Variants in CNTNAP2 observed in about 807,000 individuals in gnomAD.
CNTNAP2 encodes the protein contactin-associated protein-like 2.
A neutral mutation model predicts 155.2 loss-of-function variants in CNTNAP2; 98 were observed. That is an observed-to-expected ratio of 0.63 (90% CI 0.54 to 0.75). The LOEUF (loss-of-function observed/expected upper bound fraction) is 0.75, where lower values mean the gene tolerates loss of function less well. CNTNAP2 is among the 30% of genes least tolerant of loss of function. CNTNAP2 has a pLI of 0.00. For missense variants in CNTNAP2, 1,727 were observed against 1,688.1 expected, an observed-to-expected ratio of 1.02 and a Z score of -0.40; for synonymous variants, 651 against 631.2, an observed-to-expected ratio of 1.03 and a Z score of -0.47.
chr7:146,707,701 C>G (rs1800990364), intron 1 of CNTNAP2, among the ~76,000 whole-genome samples: 1 of 152,098 alleles, frequency 6.6e-6, no homozygotes, highest in Non-Finnish European at 1.5e-5. Flanking sequence ...TTTCCTATTC[C>G]TTATTTCCTT....
intron 1 of CNTNAP2, among the ~76,000 whole-genome samples, chr7:146,487,064 A>G (rs1458867951): frequency 6.6e-6 from 1 of 152,190 alleles, no homozygotes; most frequent in African/African-American, 2.4e-5. Context: ...AGTTTTCTTT[A>G]GAGAATGAGA....
At chr7:147,422,209 CAATA>C (rs891724474) in intron 10 of CNTNAP2, among the ~76,000 whole-genome samples, 20 of 144,228 alleles carry the variant, frequency 1.4e-4, no homozygotes, top group Non-Finnish European at 2.5e-4. Context: ...TATATATACA[CAATA>C]TATATACTGT....
intron 1 of CNTNAP2, among the ~76,000 whole-genome samples, chr7:146,705,519 A>G (rs1007621504): frequency 2.6e-5 from 4 of 152,038 alleles, no homozygotes; most frequent in African/African-American, 9.7e-5. Flanking sequence ...TCCTAATACA[A>G]TCTTCTTGGT....
At chr7:148,301,791 G>A (rs1031961545) in intron 21 of CNTNAP2, among the ~76,000 whole-genome samples, 1 of 152,162 alleles carries the variant, frequency 6.6e-6, no homozygotes, top group Admixed American at 6.5e-5. Flanking sequence ...ACAGCAAGAA[G>A]ATGAGCCTGT....
chr7:148,193,332 C>T (rs1215692312), intron 18 of CNTNAP2, among the ~76,000 whole-genome samples: 6 of 152,122 alleles, frequency 3.9e-5, no homozygotes, highest in African/African-American at 1.2e-4. Context: ...TGGACACAAC[C>T]CACGTTTTGA....
intron 10 of CNTNAP2, among the ~76,000 whole-genome samples, chr7:147,422,161 GTATA>G (rs546773766): frequency 7.3e-6 from 1 of 136,652 alleles, no homozygotes; most frequent in Non-Finnish European, 1.5e-5. Context: ...TATATATACA[GTATA>G]TATATAGTAT....
chr7:147,129,797 G>A (rs1801316030), intron 7 of CNTNAP2, among the ~76,000 whole-genome samples: 1 of 151,700 alleles, frequency 6.6e-6, no homozygotes, highest in Non-Finnish European at 1.5e-5. Context: ...GAATATGGAA[G>A]GTTTAAAACA....
At chr7:147,395,969 A>G (rs1416289948) in intron 10 of CNTNAP2, among the ~76,000 whole-genome samples, 189 bp downstream of exon 10, 1 of 150,016 alleles carries the variant, frequency 6.7e-6, no homozygotes, top group Non-Finnish European at 1.5e-5. Context: ...TTTTATGTGG[A>G]TATATATATC....
chr7:147,936,246 C>T (rs1800604303), intron 14 of CNTNAP2, among the ~76,000 whole-genome samples: 1 of 151,592 alleles, frequency 6.6e-6, no homozygotes, highest in Admixed American at 6.6e-5. Context: ...GATCTGAGTA[C>T]ACAGATCTAA....
intron 13 of CNTNAP2, among the ~76,000 whole-genome samples, chr7:147,807,226 G>A (rs1345147402): frequency 6.7e-6 from 1 of 150,090 alleles, no homozygotes; most frequent in East Asian, 2.0e-4. Flanking sequence ...GAGAGGCTGA[G>A]CTGGGAGGAT....
At chr7:147,869,262 G>A (rs1799287525) in intron 13 of CNTNAP2, among the ~76,000 whole-genome samples, 1 of 152,170 alleles carries the variant, frequency 6.6e-6, no homozygotes, top group Non-Finnish European at 1.5e-5. Context: ...TGCTGCATCA[G>A]CATGTCATTT....
chr7:147,879,046 G>A (rs141561235), intron 13 of CNTNAP2, among the ~76,000 whole-genome samples: 7 of 152,140 alleles, frequency 4.6e-5, no homozygotes, highest in African/African-American at 7.2e-5. Context: ...CCTCTCTTTC[G>A]GCCTCAGTGA....
At chr7:147,568,265 A>G (rs1800215629) in intron 12 of CNTNAP2, among the ~76,000 whole-genome samples, 1 of 152,082 alleles carries the variant, frequency 6.6e-6, no homozygotes, top group African/African-American at 2.4e-5. Context: ...TAATTTAGAC[A>G]GAGGCTTCTT....
rs548121343 is a variant in CNTNAP2, at chr7:146,678,763, G to A, written c.98-95508G>A. 5.5e-4 allele frequency among the ~76,000 whole-genome samples: 84 copies of A among 152,116 alleles called. 1 individual carries two copies. The highest frequency in any genetic ancestry group is 1.8e-3 in the Admixed American group (28 of 15,282). The stretch of plus-strand genomic sequence containing the variant: ...TCTCTCAATTTTCTTTCCTCCTTTT[G>A]TATAGACAATTAATATAGAACATTT... On this transcript the variant is annotated intron_variant, in intron 1 of 23. Coordinates refer to ENST00000361727, the MANE Select transcript of CNTNAP2 (RefSeq NM_014141.6).
At chr7:147,252,672 C>T (rs908648179) in intron 8 of CNTNAP2, among the ~76,000 whole-genome samples, 1 of 152,076 alleles carries the variant, frequency 6.6e-6, no homozygotes, top group Non-Finnish European at 1.5e-5. Context: ...GCTTTTCAGT[C>T]CTTGGATTCG....
At chr7:147,586,551 G>GA (rs1563009767) in intron 12 of CNTNAP2, among the ~76,000 whole-genome samples, 2 of 35,206 alleles carry the variant, frequency 5.7e-5, no homozygotes, top group African/African-American at 3.3e-4. Context: ...GGAAGGGAGG[G>GA]AGGGAGGGAG....
At chr7:146,931,124 A>G (rs1412413911) in intron 3 of CNTNAP2, among the ~76,000 whole-genome samples, 2 of 151,454 alleles carry the variant, frequency 1.3e-5, no homozygotes, top group East Asian at 3.9e-4. Context: ...CCAAATCAAC[A>G]GAATATACAT....
At chr7:146,786,983 A>G (rs1802584680) in intron 2 of CNTNAP2, 1 of 152,252 alleles carries the variant, frequency 6.6e-6, no homozygotes, top group Non-Finnish European at 1.5e-5. Context: ...ATTATTTTGC[A>G]TTACAAGGTT....
At chr7:146,640,138 G>A (rs1433392267) in intron 1 of CNTNAP2, among the ~76,000 whole-genome samples, 1 of 152,200 alleles carries the variant, frequency 6.6e-6, no homozygotes, top group East Asian at 1.9e-4. Flanking sequence ...AGCTTCTCAT[G>A]AAATATCTTA....
Sources: gnomAD v4.1 joint callset for allele counts (sites outside exome capture counted in the v4.1 genomes callset) on GRCh38, gnomAD v4.1.1 for gene constraint, MANE v1.5 for transcripts, NCBI Gene and HGNC (gene_info 2026-07-23, HGNC 2026-07-21) for gene names.